SLCO3A1: variants seen among roughly 807,000 people sequenced by gnomAD.
SLCO3A1 encodes the protein PGE1 transporter.
SLCO3A1 carries 27 observed loss-of-function variants against 63.1 expected under a neutral mutation model. That is an observed-to-expected ratio of 0.43 (90% CI 0.32 to 0.59). SLCO3A1 has a LOEUF of 0.59. Ranked by LOEUF, SLCO3A1 falls within the 20% of genes least tolerant of loss-of-function variation. The pLI is 0.09. For synonymous variants in SLCO3A1, 473 were observed against 409.9 expected (o/e 1.15, Z -1.86); for missense variants, 773 against 945.8 (o/e 0.82, Z 2.40).
At chr15:91,982,338 C>T (rs1213733281) in intron 2 of SLCO3A1, among the ~76,000 whole-genome samples, 2 of 152,246 alleles carry the variant, frequency 1.3e-5, no homozygotes, top group South Asian at 4.1e-4. Context: ...GTTCACAGTC[C>T]AGCCTTGGCT....
At position 91,948,159 on chromosome 15, in the gene SLCO3A1, C is replaced by T. The variant is rs549847742; in HGVS notation, c.646+31701C>T. ...GCCAGAAAGTGGGTGGAAGCCCTGG[C>T]CCTTTGTTACCTGCCCTTTGTTTCA... On this transcript the variant is annotated intron_variant, in intron 2 of 9. Transcript: ENST00000318445. The surrounding 1 kb of genome is among the most constrained non-coding windows in gnomAD (Gnocchi z 4.8). Among the ~76,000 whole-genome samples the T allele has an allele frequency of 6.6e-6, 1 of 152,310 alleles. No individual in the cohort carries two copies. Among genetic ancestry groups the T allele is most frequent in the African/African-American group, 2.4e-5 (1 of 41,562 alleles).
chr15:92,170,746 A>C (rs751581036), downstream of SLCO3A1: 18 of 152,234 alleles, frequency 1.2e-4, no homozygotes, highest in Admixed American at 9.8e-4. Context: ...TCTAGGTTTC[A>C]CTTTAATAAT....
rs781651048 is a variant in SLCO3A1 at position 92,147,008 on chromosome 15, A to C, written c.1537A>C (p.Thr513Pro). 1.9e-5 allele frequency: 30 copies of C among 1,613,680 alleles called. No homozygotes were observed. In the Admixed American group the frequency reaches 4.8e-4, roughly 26 times the overall value. The change falls in exon 8 of 10, where the codon ACC becomes CCC. Residue 513 changes from threonine (T) to proline (P), a missense_variant. Physicochemically the swap from Thr to Pro is conservative, Grantham distance 38 (BLOSUM62 -1). Around this residue, in one of 3 missense-constraint regions of SLCO3A1, gnomAD observed 565 missense variants for 749.8 expected, o/e 0.75. Coordinates refer to ENST00000318445, the MANE Select transcript of SLCO3A1 (RefSeq NM_013272.4). Reference sequence around the variant, plus strand: ...GAATCTCACGGGCTGTGCGTGCCTCACCACCGTCCCTGCTGAGAACGCAAC... The same window carrying C: ...GAATCTCACGGGCTGTGCGTGCCTCCCCACCGTCCCTGCTGAGAACGCAAC... ...STNLTGCACL[T>P]TVPAENATVV...
chr15:92,095,009 C>T (rs1211515265), intron 3 of SLCO3A1, 30 bp downstream of exon 3: 1 of 1,445,786 alleles, frequency 6.9e-7, no homozygotes. Context: ...GTCTACCTTC[C>T]ATCCGCAAGC....
chr15:92,142,547 G>T (rs941036661), intron 7 of SLCO3A1, among the ~76,000 whole-genome samples: 1 of 152,160 alleles, frequency 6.6e-6, no homozygotes, highest in African/African-American at 2.4e-5. Context: ...CCTTGTAATA[G>T]TATCACATTG....
intron 2 of SLCO3A1, among the ~76,000 whole-genome samples, chr15:91,994,380 T>C (rs375958866): frequency 6.6e-5 from 10 of 152,342 alleles, no homozygotes; most frequent in African/African-American, 1.7e-4. Context: ...ATAGAGATGT[T>C]TAAATTACTA....
rs575291158 is a variant in SLCO3A1, at chr15:91,865,736, C to T, written c.180+11648C>T. Among the ~76,000 whole-genome samples the T allele has an allele frequency of 2.0e-5, 3 of 152,236 alleles. No homozygotes were observed. The highest frequency in any genetic ancestry group is 2.0e-4 in the Admixed American group (3 of 15,286). On this transcript the variant is annotated intron_variant, in intron 1 of 9. Coordinates refer to ENST00000318445, the MANE Select transcript of SLCO3A1 (RefSeq NM_013272.4). This position sits in a 1 kb window ranked among gnomAD's most constrained non-coding sequence, Gnocchi z 4.6. Reference sequence around the variant, plus strand: ...ACACCGGTCACATTGGATTAGGGCTCACCCTAATGACCTCATGTGACTAGC... The same window carrying T: ...ACACCGGTCACATTGGATTAGGGCTTACCCTAATGACCTCATGTGACTAGC...
rs1055087495 is a variant in SLCO3A1 at position 91,859,263 on chromosome 15, T to C, written c.180+5175T>C. 6.6e-6 allele frequency among the ~76,000 whole-genome samples: 1 copy of C among 152,214 alleles called. No individual in the cohort carries two copies. The highest frequency in any genetic ancestry group is 1.5e-5 in the Non-Finnish European group (1 of 68,038). The stretch of plus-strand genomic sequence containing the variant: ...TCGGTATTTTCTTGCCTCTCGGAAA[T>C]GCCTTTGGTAATCTGTAGGCCAGAA... On this transcript the variant is annotated intron_variant, in intron 1 of 9. Coordinates refer to ENST00000318445, the MANE Select transcript of SLCO3A1 (RefSeq NM_013272.4). This position sits in a 1 kb window ranked among gnomAD's most constrained non-coding sequence, Gnocchi z 5.1.
chr15:92,135,346 G>A (rs763856908), intron 7 of SLCO3A1, among the ~76,000 whole-genome samples: 4 of 152,312 alleles, frequency 2.6e-5, no homozygotes, highest in South Asian at 2.1e-4. Context: ...CTAACAGGAC[G>A]TGCTCAGGCT....
chr15:91,990,141 T>C (rs1043765622), intron 2 of SLCO3A1, among the ~76,000 whole-genome samples: 4 of 152,188 alleles, frequency 2.6e-5, no homozygotes, highest in Non-Finnish European at 5.9e-5. Flanking sequence ...AATGGGCAGT[T>C]TTTTTCTTTG....
chr15:92,089,863 C>T (rs940372340), intron 2 of SLCO3A1, among the ~76,000 whole-genome samples: 87 of 152,116 alleles, frequency 5.7e-4, no homozygotes, highest in African/African-American at 2.0e-3. Context: ...ATAAGCTTCT[C>T]AGGCAAATTT....
chr15:92,147,626 G>A (rs2048245509), intron 8 of SLCO3A1, among the ~76,000 whole-genome samples: 1 of 152,154 alleles, frequency 6.6e-6, no homozygotes, highest in Admixed American at 6.5e-5. Context: ...CTGAGACCAT[G>A]TGTGTGCAAA....
chr15:92,085,916 G>A (rs909772793), intron 2 of SLCO3A1, among the ~76,000 whole-genome samples: 3 of 152,240 alleles, frequency 2.0e-5, no homozygotes, highest in Non-Finnish European at 4.4e-5. Flanking sequence ...ACACCAGGAC[G>A]TGTTCTTTCA....
intron 7 of SLCO3A1, among the ~76,000 whole-genome samples, chr15:92,140,549 C>T (rs2048117173): frequency 6.6e-6 from 1 of 152,090 alleles, no homozygotes; most frequent in Non-Finnish European, 1.5e-5. Flanking sequence ...CTTTCTGTCT[C>T]GTTGATCAGT....
At chr15:92,130,885 C>CA (rs993611856) in intron 7 of SLCO3A1, among the ~76,000 whole-genome samples, 2,609 of 21,180 alleles carry the variant, frequency 0.12, 192 homozygotes, top group East Asian at 0.45. Context: ...AAGTTCGGGG[C>CA]AAAAAAAAAA....
intron 4 of SLCO3A1, among the ~76,000 whole-genome samples, chr15:92,107,910 G>A (rs938818352): frequency 6.6e-6 from 1 of 152,180 alleles, no homozygotes; most frequent in African/African-American, 2.4e-5. Flanking sequence ...TTTCACATAT[G>A]GTGTCTGGTT....
intron 9 of SLCO3A1, chr15:92,155,046 A>C (rs917293743): frequency 6.6e-6 from 1 of 151,892 alleles, no homozygotes; most frequent in African/African-American, 2.4e-5. Context: ...AGTTAATGAA[A>C]GGCTCACATG....
chr15:92,049,734 G>C (rs1270302490), intron 2 of SLCO3A1, among the ~76,000 whole-genome samples: 1 of 152,228 alleles, frequency 6.6e-6, no homozygotes, highest in Non-Finnish European at 1.5e-5. Flanking sequence ...GATATTAACA[G>C]CAGCAGTGGC....
intron 2 of SLCO3A1, among the ~76,000 whole-genome samples, chr15:91,936,742 C>T (rs191484588): frequency 6.6e-6 from 1 of 152,226 alleles, no homozygotes; most frequent in Non-Finnish European, 1.5e-5. Context: ...TGAGAGGTGG[C>T]CAAGGGTCCC....
Sources: gnomAD v4.1 joint callset for allele counts (sites outside exome capture counted in the v4.1 genomes callset) on GRCh38, gnomAD v4.1.1 for gene constraint, gnomAD v4.1.1 regional missense constraint, Gnocchi (gnomAD v3.1) non-coding constraint, MANE v1.5 for transcripts, NCBI Gene and HGNC (gene_info 2026-07-23, HGNC 2026-07-21) for gene names.